Variants in CFAP77 observed in about 807,000 individuals in gnomAD.
CFAP77 encodes the protein cilia and flagella associated protein 77.
CFAP77 carries 25 observed loss-of-function variants against 31.1 expected under a neutral mutation model. The observed-to-expected ratio is 0.80, with a 90% CI of 0.59 to 1.12. CFAP77 has a LOEUF of 1.12. CFAP77 is among the 50% of genes most tolerant of loss of function. CFAP77 has a pLI of 0.00. For synonymous variants in CFAP77, 151 were observed against 159.9 expected, an observed-to-expected ratio of 0.94 and a Z score of 0.42; for missense variants, 377 against 397.3, an observed-to-expected ratio of 0.95 and a Z score of 0.44.
At chr9:132,529,554 C>T (rs1204985130) in intron 3 of CFAP77, among the ~76,000 whole-genome samples, 3 of 150,324 alleles carry the variant, frequency 2.0e-5, no homozygotes, top group Admixed American at 6.6e-5. Flanking sequence ...TGGCCGGGCA[C>T]GGTGGCTCAC....
At chr9:132,544,815 T>C (rs1403488317) in intron 5 of CFAP77, among the ~76,000 whole-genome samples, 2 of 152,164 alleles carry the variant, frequency 1.3e-5, no homozygotes, top group Non-Finnish European at 2.9e-5. Flanking sequence ...CTCCTTTCTC[T>C]GTGAGAATCC....
chr9:132,417,361 C>G (rs1850123299), intron 1 of CFAP77, among the ~76,000 whole-genome samples: 1 of 152,210 alleles, frequency 6.6e-6, no homozygotes, highest in South Asian at 2.1e-4. Flanking sequence ...GATCCGCCCA[C>G]CTCGGCCTCC....
In CFAP77 at chr9:132,538,709, C is replaced by T. The variant is rs191375455; in HGVS notation, c.630+1003C>T. Reference sequence around the variant, plus strand: ...AGGAGAATAGCTTGAACCTGGGAGGCGGAGGTTGCAGTGAGCTGAGATTGC... The same window carrying T: ...AGGAGAATAGCTTGAACCTGGGAGGTGGAGGTTGCAGTGAGCTGAGATTGC... On this transcript the variant is annotated intron_variant, in intron 4 of 5. Transcript: ENST00000393216. 9.4e-3 allele frequency among the ~76,000 whole-genome samples: 1,424 copies of T among 152,074 alleles called. 20 individuals carry two copies. The highest frequency in any genetic ancestry group is 0.032 in the African/African-American group (1,337 of 41,488).
intron 1 of CFAP77, among the ~76,000 whole-genome samples, chr9:132,486,064 G>A (rs1431297967): frequency 0.045 from 811 of 18,196 alleles, 106 homozygotes; most frequent in African/African-American, 0.22. Context: ...ATGTGTGTGT[G>A]TGTATATATA....
chr9:132,551,588 G>A (rs1361735221), intron 5 of CFAP77, among the ~76,000 whole-genome samples: 3 of 152,138 alleles, frequency 2.0e-5, no homozygotes, highest in Non-Finnish European at 4.4e-5. Context: ...GAGCCACCAC[G>A]CCCGGCCCAA....
In CFAP77 at chr9:132,539,068, C is replaced by T. The variant is rs1384691788; in HGVS notation, c.630+1362C>T. 1.3e-5 allele frequency among the ~76,000 whole-genome samples: 2 copies of T among 152,104 alleles called. No individual in the cohort carries two copies. Among genetic ancestry groups the T allele is most frequent in the Admixed American group, 1.3e-4 (2 of 15,280 alleles). On this transcript the variant is annotated intron_variant, in intron 4 of 5. Coordinates refer to ENST00000393216, the MANE Select transcript of CFAP77 (RefSeq NM_001282957.2). The surrounding 1 kb of genome is among the most constrained non-coding windows in gnomAD (Gnocchi z 4.3). ...TGCCACTGCACTCCAGCCTGGGCAA[C>T]AGAGCAAGACTCCGTCTCGATAAAA...
At chr9:132,531,632 G>GC (rs1434384398) in intron 3 of CFAP77, among the ~76,000 whole-genome samples, 1 of 147,206 alleles carries the variant, frequency 6.8e-6, no homozygotes, top group Non-Finnish European at 1.5e-5. Flanking sequence ...ACATGGGGGG[G>GC]GGGGCATGGA....
chr9:132,477,609 CAT>C (rs1334273992), intron 1 of CFAP77, among the ~76,000 whole-genome samples: 1 of 152,232 alleles, frequency 6.6e-6, no homozygotes, highest in Non-Finnish European at 1.5e-5. Context: ...GCTCAGCACA[CAT>C]GAGCTGTCTG....
rs937538560 is a variant in CFAP77, at chr9:132,480,060, TG to T, written c.196-18628del. 2.0e-5 allele frequency among the ~76,000 whole-genome samples: 3 copies of T among 151,992 alleles called. No individual in the cohort carries two copies. Among genetic ancestry groups the T allele is most frequent in the Non-Finnish European group, 4.4e-5 (3 of 67,964 alleles). On this transcript the variant is annotated intron_variant, in intron 1 of 5. Coordinates refer to ENST00000393216, the MANE Select transcript of CFAP77 (RefSeq NM_001282957.2). The surrounding 1 kb of genome is among the most constrained non-coding windows in gnomAD (Gnocchi z 5.8). ...TCCAGATAGGAAATGGCAGAGCTGG[TG>T]GGGGGGACCCTGAAAATCAACCGGC...
rs562350 is a variant in CFAP77 at position 132,499,511 on chromosome 9, T to G, written c.435T>G (p.Asn145Lys). ...ARENLLYRQL[N>K]DIRISDQDDR... is the part of the protein sequence containing the mutation. ...AGAACTTGCTCTACCGTCAGCTCAA[T>G]GACATCCGCATCAGTGACCAGGATG... Residue 145 changes from asparagine (N) to lysine (K), a missense_variant, in exon 3 of 6, where the codon AAT (asparagine) becomes AAG (lysine). Physicochemically the swap from Asn to Lys is moderately conservative, Grantham distance 94. Transcript: ENST00000393216. This position sits in a 1 kb window ranked among gnomAD's most constrained non-coding sequence, Gnocchi z 5.4. 3.8e-5 allele frequency: 61 copies of G among 1,613,902 alleles called. No individual in the cohort carries two copies. Among genetic ancestry groups the G allele is most frequent in the Non-Finnish European group, 4.7e-5 (56 of 1,179,990 alleles).
rs981717834 is a variant in CFAP77, at chr9:132,495,543, C to T, written c.196-3152C>T. On this transcript the variant is annotated intron_variant, in intron 1 of 5. Transcript: ENST00000393216. This position sits in a 1 kb window ranked among gnomAD's most constrained non-coding sequence, Gnocchi z 4.2. ...CAAGCCACCCTGCAGGGTCCCCATG[C>T]ACCCGCCTGAAACTCAGAGCCCCAT... Among the ~76,000 whole-genome samples, 2 of 152,180 alleles carry T rather than the reference C, an allele frequency of 1.3e-5. No individual in the cohort carries two copies. Among genetic ancestry groups the T allele is most frequent in the Non-Finnish European group, 1.5e-5 (1 of 68,040 alleles).
chr9:132,440,507 T>C (rs1474337277), intron 1 of CFAP77, among the ~76,000 whole-genome samples: 1 of 152,142 alleles, frequency 6.6e-6, no homozygotes, highest in Non-Finnish European at 1.5e-5. Flanking sequence ...AAACCAAGGC[T>C]CAGAGAAATA....
At chr9:132,500,588 A>C (rs921017265) in intron 3 of CFAP77, among the ~76,000 whole-genome samples, 4 of 152,216 alleles carry the variant, frequency 2.6e-5, no homozygotes, top group Non-Finnish European at 5.9e-5. Flanking sequence ...CAATTTTACA[A>C]ATGGACACAC....
At chr9:132,525,626 A>G (rs1334354557) in intron 3 of CFAP77, among the ~76,000 whole-genome samples, 2 of 151,344 alleles carry the variant, frequency 1.3e-5, no homozygotes, top group Non-Finnish European at 3.0e-5. Flanking sequence ...GCATGTGTGT[A>G]TGTGTGTGTG....
Position 132,410,359 on chromosome 9 carries a change from C to A in CFAP77, c.88C>A (p.Pro30Thr). Residue 30 changes from proline to threonine, a missense_variant, in exon 1 of 6, where the codon CCG becomes ACG. Physicochemically the swap from Pro to Thr is conservative, Grantham distance 38. Coordinates refer to ENST00000393216, the MANE Select transcript of CFAP77 (RefSeq NM_001282957.2). ...PVRRTVSQVC[P>T]PPRRPLTVAD... is the part of the protein sequence containing the mutation. ...GCGCCGCACGGTCAGCCAGGTCTGC[C>A]CGCCCCCGCGGCGGCCCCTGACCGT... 6.3e-7 allele frequency: 1 copy of A among 1,598,468 alleles called. No individual in the cohort carries two copies. Among genetic ancestry groups the A allele is most frequent in the Non-Finnish European group, 8.5e-7 (1 of 1,173,904 alleles).
intron 1 of CFAP77, among the ~76,000 whole-genome samples, chr9:132,456,276 A>G (rs1290419262): frequency 6.6e-6 from 1 of 152,206 alleles, no homozygotes; most frequent in African/African-American, 2.4e-5. Context: ...TGTCCACAGT[A>G]GCTGTTGTCC....
intron 5 of CFAP77, among the ~76,000 whole-genome samples, chr9:132,556,078 C>G (rs2119090956): frequency 6.6e-6 from 1 of 152,222 alleles, no homozygotes; most frequent in East Asian, 1.9e-4. Flanking sequence ...ATACAAGCGC[C>G]CTCTTCATAC....
intron 3 of CFAP77, among the ~76,000 whole-genome samples, chr9:132,506,070 C>T (rs969240881): frequency 6.6e-6 from 1 of 152,218 alleles, no homozygotes; most frequent in African/African-American, 2.4e-5. Context: ...CTCCCCGAGG[C>T]GTTACGGTGC....
At chr9:132,535,964 C>A (rs1476154865) in intron 3 of CFAP77, among the ~76,000 whole-genome samples, 1 of 152,084 alleles carries the variant, frequency 6.6e-6, no homozygotes, top group African/African-American at 2.4e-5. Flanking sequence ...CCTTCCTGTT[C>A]TCTCCCTCAT....
Sources: gnomAD v4.1 joint callset for allele counts (sites outside exome capture counted in the v4.1 genomes callset) on GRCh38, gnomAD v4.1.1 for gene constraint, Gnocchi (gnomAD v3.1) non-coding constraint, MANE v1.5 for transcripts, NCBI Gene and HGNC (gene_info 2026-07-23, HGNC 2026-07-21) for gene names.